The following HFM1 variants were observed in gnomAD, a reference collection of about 807,000 sequenced individuals.
HFM1 encodes helicase for meiosis 1, also known as probable ATP-dependent DNA helicase HFM1.
Under a neutral mutation model 192.1 loss-of-function variants are expected in HFM1, and 169 were observed. The observed-to-expected ratio is 0.88, with a 90% CI of 0.78 to 1.00. HFM1 has a LOEUF of 1.00. Among genes scored for constraint, HFM1 ranks in the 50% least tolerant of loss-of-function variants. The probability of loss-of-function intolerance (pLI) is 0.00; values close to 1 mark genes in which losing one functional copy is unlikely to be tolerated. For synonymous variants in HFM1, 525 were observed against 537.8 expected, an observed-to-expected ratio of 0.98 and a Z score of 0.33; for missense variants, 1,661 against 1,668.0, an observed-to-expected ratio of 1.00 and a Z score of 0.07.
At chr1:91,347,384 A>T (rs747987631) in intron 19 of HFM1, 45 bp downstream of exon 19, 1 of 1,124,332 alleles carries the variant, frequency 8.9e-7, no homozygotes, top group East Asian at 2.6e-5. Flanking sequence ...GAACTTTTTC[A>T]CTAAAATATA....
intron 27 of HFM1, 35 bp from the exon 28 acceptor site, chr1:91,316,007 A>AG: frequency 6.5e-7 from 1 of 1,530,930 alleles, no homozygotes; most frequent in South Asian, 1.1e-5. Context: ...AGTGTTAAAA[A>AG]TAACCTTACT....
chr1:91,360,450 G>A (rs1243198838), intron 13 of HFM1, among the ~76,000 whole-genome samples: 4 of 152,126 alleles, frequency 2.6e-5, no homozygotes, highest in Admixed American at 1.3e-4. Flanking sequence ...AGACAAAGAA[G>A]GGCATTACAT....
At position 91,277,331 on chromosome 1, in the gene HFM1, T is replaced by C. The variant is rs566149955; in HGVS notation, c.3392-269A>G. Among the ~76,000 whole-genome samples, 6 of 151,504 alleles carry C rather than the reference T, an allele frequency of 4.0e-5. No homozygotes were observed. In the South Asian group the frequency reaches 1.2e-3, roughly 31 times the overall value. On this transcript the variant is annotated intron_variant, in intron 30 of 38. Coordinates refer to ENST00000370425, the MANE Select transcript of HFM1 (RefSeq NM_001017975.6). ...ATCTCCTGGGCTCAAGAGATCCTCC[T>C]GTTTCAGCCTTCCAAGTAGCTGGGA...
chr1:91,264,549 A>C (rs1665547920), intron 36 of HFM1, among the ~76,000 whole-genome samples: 1 of 148,248 alleles, frequency 6.7e-6, no homozygotes, highest in African/African-American at 2.5e-5. Context: ...ATTTTTTTGT[A>C]TTTTTAGTAG....
intron 17 of HFM1, 103 bp downstream of exon 17, chr1:91,351,446 C>T: frequency 3.2e-6 from 2 of 620,328 alleles, no homozygotes; most frequent in East Asian, 3.2e-5. Flanking sequence ...CAGAAAATTG[C>T]CTTAAAAAAA....
intron 20 of HFM1, among the ~76,000 whole-genome samples, chr1:91,333,688 CA>C (rs1209979118): frequency 6.6e-6 from 1 of 152,144 alleles, no homozygotes; most frequent in Non-Finnish European, 1.5e-5. Context: ...TCATTATACA[CA>C]TTGCATACCT....
intron 13 of HFM1, among the ~76,000 whole-genome samples, chr1:91,364,522 TA>T (rs1213423535): frequency 2.0e-5 from 3 of 149,622 alleles, no homozygotes; most frequent in African/African-American, 7.4e-5. Flanking sequence ...GTAGTTAAGA[TA>T]TGGAAACAGC....
chr1:91,324,643 A>G, intron 21 of HFM1, 32 bp downstream of exon 21: 3 of 934,142 alleles, frequency 3.2e-6, no homozygotes, highest in Non-Finnish European at 5.3e-6. Context: ...CTATACCACT[A>G]TGTATTTTTT....
At chr1:91,388,318 T>G (rs1662502610) in intron 4 of HFM1, among the ~76,000 whole-genome samples, 1 of 152,168 alleles carries the variant, frequency 6.6e-6, no homozygotes, top group African/African-American at 2.4e-5. Flanking sequence ...GTGAGGTCAG[T>G]CTTACAGAAC....
chr1:91,321,991 G>A (rs371343187), intron 23 of HFM1, among the ~76,000 whole-genome samples: 21 of 152,264 alleles, frequency 1.4e-4, no homozygotes, highest in Admixed American at 8.5e-4. Flanking sequence ...TAACCTTGGC[G>A]AAGTCATAAC....
chr1:91,391,513 A>G (rs1383276723), intron 4 of HFM1, among the ~76,000 whole-genome samples: 1 of 152,242 alleles, frequency 6.6e-6, no homozygotes, highest in Non-Finnish European at 1.5e-5. Context: ...AGGATTCCCT[A>G]TTTAATAAAT....
chr1:91,313,788 T>C (rs899201613), intron 29 of HFM1, among the ~76,000 whole-genome samples, 169 bp downstream of exon 29: 2 of 152,132 alleles, frequency 1.3e-5, no homozygotes, highest in African/African-American at 4.8e-5. Context: ...TGTTATGTTT[T>C]ACATATCTAA....
intron 18 of HFM1, among the ~76,000 whole-genome samples, chr1:91,348,209 CA>C (rs1339549924): frequency 6.6e-6 from 1 of 151,400 alleles, no homozygotes; most frequent in Non-Finnish European, 1.5e-5. Flanking sequence ...TATCTCAATA[CA>C]AAAAAGTAAC....
intron 6 of HFM1, 27 bp from the exon 7 acceptor site, chr1:91,381,009 A>G (rs1370315407): frequency 1.0e-6 from 1 of 988,224 alleles, no homozygotes; most frequent in Non-Finnish European, 1.6e-6. Flanking sequence ...GGAGTCAAAT[A>G]TTTCAGAATT....
intron 20 of HFM1, among the ~76,000 whole-genome samples, chr1:91,335,873 G>T (rs1267691363): frequency 6.6e-6 from 1 of 151,810 alleles, no homozygotes; most frequent in Non-Finnish European, 1.5e-5. Flanking sequence ...ACTGAGCATG[G>T]CAGGGATGCT....
chr1:91,356,930 C>A lies in HFM1; in HGVS notation c.1686-3631G>T, dbSNP rs562706148. On this transcript the variant is annotated intron_variant, in intron 13 of 38. Coordinates refer to ENST00000370425, the MANE Select transcript of HFM1 (RefSeq NM_001017975.6). ...GAAGAAATAGAAAGCTTAAACAGAC[C>A]AATAACACATAATGAGATTGAAGTA... Among the ~76,000 whole-genome samples the A allele has an allele frequency of 2.0e-5, 3 of 152,130 alleles. No individual in the cohort carries two copies. The South Asian group carries it at 6.2e-4, about 32-fold the overall frequency.
rs113353459 is a variant in HFM1, at chr1:91,322,121, G to T, written c.2582+829C>A. Reference sequence around the variant, plus strand: ...TAGAAATAAATATTTGAATATAGAAGTACAGCTAAGAAAATAAACATTAAC... The same window carrying T: ...TAGAAATAAATATTTGAATATAGAATTACAGCTAAGAAAATAAACATTAAC... On this transcript the variant is annotated intron_variant, in intron 23 of 38. Transcript: ENST00000370425. 1.4e-3 allele frequency among the ~76,000 whole-genome samples: 208 copies of T among 152,264 alleles called. 1 individual carries two copies. The highest frequency in any genetic ancestry group is 4.8e-3 in the African/African-American group (201 of 41,552).
chr1:91,352,310 C>A (rs1657043132), intron 16 of HFM1, among the ~76,000 whole-genome samples, 196 bp downstream of exon 16: 1 of 151,328 alleles, frequency 6.6e-6, no homozygotes, highest in South Asian at 2.1e-4. Context: ...TCAGCCAAGA[C>A]AAGCTTAGAC....
intron 20 of HFM1, among the ~76,000 whole-genome samples, chr1:91,342,262 G>T (rs953148526): frequency 6.6e-6 from 1 of 151,270 alleles, no homozygotes; most frequent in Non-Finnish European, 1.5e-5. Context: ...GAGAGAGAAA[G>T]AGAGAGAGAT....
Sources: allele counts gnomAD v4.1 joint callset (sites outside exome capture counted in the v4.1 genomes callset), GRCh38; gene constraint gnomAD v4.1.1; transcripts MANE v1.5; gene names NCBI Gene and HGNC (gene_info 2026-07-23, HGNC 2026-07-21).